The following GABRG2 variants were observed in gnomAD, a reference collection of about 807,000 sequenced individuals.
The protein encoded by GABRG2 is gamma-aminobutyric acid type A receptor subunit gamma2.
In GABRG2, 16 loss-of-function variants were observed where a neutral mutation model predicts 56.4. The ratio of observed to expected loss-of-function variants is 0.28; its 90% CI spans 0.19 to 0.43. GABRG2 has a LOEUF of 0.43. Among genes scored for constraint, GABRG2 ranks in the 20% least tolerant of loss-of-function variants. The pLI, the probability that GABRG2 is intolerant of heterozygous loss-of-function variation, is 1.00. For missense variants in GABRG2, 327 were observed against 582.7 expected (o/e 0.56, Z 4.52); for synonymous variants, 208 against 205.5 (o/e 1.01, Z -0.10).
intron 1 of GABRG2, among the ~76,000 whole-genome samples, chr5:162,077,073 CTGTGTGTGTGTGTG>C (rs55938019): frequency 6.8e-6 from 1 of 146,636 alleles, no homozygotes; most frequent in African/African-American, 2.5e-5. Context: ...ACAACTACCC[CTGTGTGTGTGTGTG>C]TGTGTGTGTG....
chr5:162,075,884 T>C (rs2113147908), intron 1 of GABRG2, among the ~76,000 whole-genome samples: 1 of 152,146 alleles, frequency 6.6e-6, no homozygotes, highest in African/African-American at 2.4e-5. Context: ...TTTCACTCTG[T>C]CTTTTCATAT....
At chr5:162,078,388 TATATATATA>T (rs367909142) in intron 1 of GABRG2, among the ~76,000 whole-genome samples, 25 of 53,624 alleles carry the variant, frequency 4.7e-4, no homozygotes, top group South Asian at 9.6e-4. Flanking sequence ...TATATATATA[TATATATATA>T]TTTTTTTTTT....
At chr5:162,114,959 G>A (rs961503737) in intron 6 of GABRG2, among the ~76,000 whole-genome samples, 4 of 152,054 alleles carry the variant, frequency 2.6e-5, no homozygotes, top group African/African-American at 9.7e-5. Flanking sequence ...CTTTGTTGTC[G>A]TTTTGCTTTG....
At chr5:162,103,737 G>T (rs1330357684) in intron 5 of GABRG2, 152 bp from the exon 6 acceptor site, 3 of 774,662 alleles carry the variant, frequency 3.9e-6, no homozygotes, top group Non-Finnish European at 2.1e-6. Context: ...TGCAATTTAT[G>T]TTCTCATTGC....
chr5:162,094,160 C>T (rs1052724216), intron 2 of GABRG2, 181 bp downstream of exon 2: 8 of 605,936 alleles, frequency 1.3e-5, no homozygotes, highest in Non-Finnish European at 2.9e-6. Flanking sequence ...TCAATACATT[C>T]AAAATGAAGA....
At chr5:162,094,127 CA>C in intron 2 of GABRG2, 148 bp downstream of exon 2, 1 of 827,576 alleles carries the variant, frequency 1.2e-6, no homozygotes, top group South Asian at 1.5e-5. Context: ...AAATAGCATT[CA>C]GGCCTATGAG....
intron 6 of GABRG2, among the ~76,000 whole-genome samples, chr5:162,125,105 G>A (rs533869475): frequency 2.6e-4 from 39 of 150,940 alleles, no homozygotes; most frequent in South Asian, 1.7e-3. Flanking sequence ...TAATTATGTC[G>A]GAAAAAATAA....
At chr5:162,068,190 GA>G (rs1758376499) in intron 1 of GABRG2, 84 bp downstream of exon 1, 1 of 862,940 alleles carries the variant, frequency 1.2e-6, no homozygotes, top group African/African-American at 1.7e-5. Context: ...AGACCACCCA[GA>G]TTTAAAACAC....
chr5:162,100,136 G>T (rs961784025), intron 4 of GABRG2: 12 of 151,926 alleles, frequency 7.9e-5, no homozygotes, highest in African/African-American at 2.9e-4. Flanking sequence ...ACAAGTTCAG[G>T]TACAATAAAT....
chr5:162,100,607 A>C (rs776186503), intron 4 of GABRG2, among the ~76,000 whole-genome samples: 5 of 152,168 alleles, frequency 3.3e-5, no homozygotes, highest in Admixed American at 6.5e-5. Context: ...ACATTTTTCA[A>C]ATATGTCTGT....
At chr5:162,139,384 G>A (rs1412074072) in intron 6 of GABRG2, among the ~76,000 whole-genome samples, 7 of 152,294 alleles carry the variant, frequency 4.6e-5, no homozygotes, top group South Asian at 2.1e-4. Context: ...AAAAAGCGAC[G>A]TGGCCTTGGA....
In GABRG2 at chr5:162,097,855, T is replaced by A; in HGVS notation, c.545T>A (p.Leu182Gln). Reference sequence around the variant, plus strand: ...AATGATGGTCGAGTGCTCTACACCCTAAGGTATTCTTTTGCAAAAGGAAAG... The same window carrying A: ...AATGATGGTCGAGTGCTCTACACCCAAAGGTATTCTTTTGCAAAAGGAAAG... ...IWNDGRVLYT[L>Q]RLTIDAECQL... is the part of the protein sequence containing the mutation. Residue 182 changes from leucine to glutamine, a missense_variant, in exon 4 of 10, where the codon CTA (leucine) becomes CAA (glutamine). This residue lies in a region of GABRG2 where 104 missense variants were observed against 209.3 expected (regional missense o/e 0.50). Coordinates refer to ENST00000639213, the MANE Select transcript of GABRG2 (RefSeq NM_198904.4). 6.2e-7 allele frequency: 1 copy of A among 1,611,760 alleles called. No individual in the cohort carries two copies. The highest frequency in any genetic ancestry group is 8.5e-7 in the Non-Finnish European group (1 of 1,178,602).
intron 7 of GABRG2, chr5:162,142,555 A>T: frequency 2.4e-6 from 1 of 417,514 alleles, no homozygotes; most frequent in Non-Finnish European, 4.5e-6. Context: ...TACACCATGG[A>T]ATACTATGCA....
At chr5:162,095,237 AT>A (rs1265357897) in intron 2 of GABRG2, among the ~76,000 whole-genome samples, 1 of 152,140 alleles carries the variant, frequency 6.6e-6, no homozygotes, top group Non-Finnish European at 1.5e-5. Flanking sequence ...TAATTTATTC[AT>A]TTTTATGTTA....
At chr5:162,114,241 C>T (rs1321984818) in intron 6 of GABRG2, among the ~76,000 whole-genome samples, 1 of 152,096 alleles carries the variant, frequency 6.6e-6, no homozygotes, top group Non-Finnish European at 1.5e-5. Context: ...AAAGTCTCTA[C>T]TACTCCCTGT....
chr5:162,093,993 T>G lies in GABRG2; in HGVS notation c.259+14T>G, dbSNP rs1561641830. On this transcript the variant is annotated intron_variant, in intron 2 of 9. Coordinates refer to ENST00000639213, the MANE Select transcript of GABRG2 (RefSeq NM_198904.4). ...CTGATATAGGAGGTTTGTTAAAGTC[T>G]TTTGCGTTGTGCTATAGATAGGAGC... 6.2e-7 allele frequency: 1 copy of G among 1,612,730 alleles called. No homozygotes were observed. Among genetic ancestry groups the G allele is most frequent in the Admixed American group, 1.7e-5 (1 of 59,892 alleles).
rs183404718 is a variant in GABRG2, at chr5:162,121,703, G to A, written c.769+17677G>A. On this transcript the variant is annotated intron_variant, in intron 6 of 9. Transcript: ENST00000639213. ...CTCCTTAGCAACTAGCTTAGTGCCT[G>A]GCACATAGTAGGTGCTTTTTAAAGA... Among the ~76,000 whole-genome samples the A allele has an allele frequency of 1.8e-4, 28 of 152,014 alleles. No individual in the cohort carries two copies. The East Asian group carries it at 4.6e-3, about 25-fold the overall frequency.
intron 6 of GABRG2, among the ~76,000 whole-genome samples, chr5:162,134,909 G>A (rs922945902): frequency 1.3e-5 from 2 of 152,124 alleles, no homozygotes; most frequent in African/African-American, 4.8e-5. Context: ...CCTGCCCTCG[G>A]TGGATATTCA....
At chr5:162,101,033 T>C (rs545774391) in intron 4 of GABRG2, among the ~76,000 whole-genome samples, 1 of 152,320 alleles carries the variant, frequency 6.6e-6, no homozygotes, top group Non-Finnish European at 1.5e-5. Flanking sequence ...GTGCTATTAT[T>C]TGGTCTGTGA....
Sources: allele counts gnomAD v4.1 joint callset (sites outside exome capture counted in the v4.1 genomes callset), GRCh38; gene constraint gnomAD v4.1.1; regional missense constraint gnomAD v4.1.1; transcripts MANE v1.5; gene names NCBI Gene and HGNC (gene_info 2026-07-23, HGNC 2026-07-21).